GMPS: variants seen among roughly 807,000 people sequenced by gnomAD.
The protein encoded by GMPS is guanosine monophosphate synthase.
Under a neutral mutation model 77.9 loss-of-function variants are expected in GMPS, and 15 were observed. That is an observed-to-expected ratio of 0.19 (90% CI 0.13 to 0.30). The LOEUF is 0.30. Ranked by LOEUF, GMPS falls within the 10% of genes least tolerant of loss-of-function variation. The pLI is 1.00. For synonymous variants in GMPS, 224 were observed against 275.9 expected, an observed-to-expected ratio of 0.81 and a Z score of 1.86; for missense variants, 590 against 838.8, an observed-to-expected ratio of 0.70 and a Z score of 3.66.
At chr3:155,895,866 G>C (rs1289656547) in intron 2 of GMPS, among the ~76,000 whole-genome samples, 1 of 152,068 alleles carries the variant, frequency 6.6e-6, no homozygotes, top group East Asian at 1.9e-4. Flanking sequence ...TTATATCCTA[G>C]AGTTCTTTAG....
chr3:155,935,057 C>G lies in GMPS; in HGVS notation c.1807+11C>G. ...TTCTCAGGGAGTCTGGTAAGTTGCT[C>G]ATGTTTTTGATTACTACCCTCTGAA... On this transcript the variant is annotated intron_variant, in intron 14 of 15. Transcript: ENST00000496455. 4 of 1,601,858 alleles carry G rather than the reference C, an allele frequency of 2.5e-6. No homozygotes were observed. The highest frequency in any genetic ancestry group is 3.4e-6 in the Non-Finnish European group (4 of 1,168,972).
chr3:155,913,668 G>A (rs998389801), intron 7 of GMPS, among the ~76,000 whole-genome samples: 1 of 151,802 alleles, frequency 6.6e-6, no homozygotes. Context: ...TTGCAGACAT[G>A]TGCCACTACG....
intron 2 of GMPS, 61 bp from the exon 3 acceptor site, chr3:155,897,866 G>A: frequency 1.2e-6 from 1 of 849,038 alleles, no homozygotes; most frequent in Non-Finnish European, 2.0e-6. Context: ...AAGGGAGAGA[G>A]GGCATAGACC....
chr3:155,884,498 T>TGACC (rs1754284426), intron 1 of GMPS, among the ~76,000 whole-genome samples: 2 of 152,206 alleles, frequency 1.3e-5, no homozygotes, highest in African/African-American at 4.8e-5. Flanking sequence ...CATACGTATA[T>TGACC]TGTGTCAACA....
At chr3:155,896,641 G>A (rs900709598) in intron 2 of GMPS, among the ~76,000 whole-genome samples, 13 of 150,062 alleles carry the variant, frequency 8.7e-5, no homozygotes, top group African/African-American at 3.2e-4. Context: ...GGCTGGTCTC[G>A]AGCTCCTGGG....
intron 13 of GMPS, among the ~76,000 whole-genome samples, 180 bp downstream of exon 13, chr3:155,932,060 T>A (rs1036514308): frequency 3.2e-4 from 49 of 152,200 alleles, no homozygotes; most frequent in African/African-American, 1.2e-3. Context: ...AGTAGATATT[T>A]AATATTATCT....
At position 155,941,821 on chromosome 3, in the gene GMPS, G is replaced by A; in HGVS notation, c.*4129G>A. On this transcript the variant is annotated 3_prime_UTR_variant, in exon 16 of 16. Transcript: ENST00000496455. ...AAGGACTTTGACAGCAGTAATGGTG[G>A]CATTGTTGACTCTTAAATTTCTGAA... The A allele has an allele frequency of 4.6e-6, 1 of 215,572 alleles. No homozygotes were observed. 13.4% of individuals were successfully genotyped at this position (215,572 alleles called of 1,614,324 possible).
At position 155,914,428 on chromosome 3, in the gene GMPS, C is replaced by G. The variant is rs775924074; in HGVS notation, c.896C>G (p.Ala299Gly). The change falls in exon 8 of 16, where the codon GCT (alanine) becomes GGT (glycine). Residue 299 changes from alanine (A) to glycine (G), a missense_variant. Ala to Gly is a moderately conservative substitution (Grantham distance 60). This residue lies in a region of GMPS where 181 missense variants were observed against 186.8 expected (regional missense o/e 0.97). Transcript: ENST00000496455. ...KLGIQVKVIN[A>G]AHSFYNGTTT... is the part of the protein sequence containing the mutation. ...CTCCCCTTTCCTCCAGTGATAAATG[C>G]TGCTCATTCTTTCTACAATGGAACA... 2.6e-6 allele frequency: 4 copies of G among 1,562,130 alleles called. No individual in the cohort carries two copies. In the African/African-American group the frequency reaches 5.6e-5, roughly 22 times the overall value.
At chr3:155,874,668 C>T (rs12486102) in intron 1 of GMPS, among the ~76,000 whole-genome samples, 8,287 of 151,992 alleles carry the variant, frequency 0.055, 317 homozygotes, top group East Asian at 0.18. Context: ...CCAGGAATCT[C>T]GGATGACATT....
At chr3:155,883,739 C>T (rs982818608) in intron 1 of GMPS, among the ~76,000 whole-genome samples, 1 of 152,114 alleles carries the variant, frequency 6.6e-6, no homozygotes, top group African/African-American at 2.4e-5. Flanking sequence ...AGATCTCAGT[C>T]TCCTCAGGAA....
At chr3:155,929,677 A>G (rs1457350644) in intron 12 of GMPS, among the ~76,000 whole-genome samples, 1 of 131,084 alleles carries the variant, frequency 7.6e-6, no homozygotes, top group Non-Finnish European at 1.6e-5. Flanking sequence ...CTCAGGATAC[A>G]AAATCAATGT....
chr3:155,900,722 T>C (rs1754715288), intron 3 of GMPS, among the ~76,000 whole-genome samples: 1 of 152,170 alleles, frequency 6.6e-6, no homozygotes, highest in African/African-American at 2.4e-5. Context: ...CATAACAATT[T>C]TTGCCTTTAT....
rs1168254258 is a variant in GMPS at position 155,943,471 on chromosome 3, A to G, written c.*5779A>G. The G allele has an allele frequency of 1.1e-5, 2 of 179,142 alleles. No homozygotes were observed. Among genetic ancestry groups the G allele is most frequent in the Non-Finnish European group, 2.4e-5 (2 of 83,582 alleles). 11.1% of individuals were successfully genotyped at this position (179,142 alleles called of 1,614,324 possible). ...AAGGTAAGTAGTTTTTCGTCTTTGC[A>G]TCTCCTAAGACCATTGTTAACAACC... On this transcript the variant is annotated 3_prime_UTR_variant, in exon 16 of 16. Transcript: ENST00000496455.
At chr3:155,884,156 C>T (rs146225733) in intron 1 of GMPS, among the ~76,000 whole-genome samples, 8,288 of 151,332 alleles carry the variant, frequency 0.055, 320 homozygotes, top group East Asian at 0.18. Context: ...GAGGCTGAGG[C>T]GGGTGGATCA....
chr3:155,897,814 A>G (rs1754637651), intron 2 of GMPS, 113 bp from the exon 3 acceptor site: 3 of 653,944 alleles, frequency 4.6e-6, no homozygotes, highest in African/African-American at 1.8e-5. Flanking sequence ...TCTACCAAAA[A>G]CAACGCAATT....
intron 3 of GMPS, among the ~76,000 whole-genome samples, chr3:155,900,960 C>T (rs1218648534): frequency 6.6e-6 from 1 of 152,170 alleles, no homozygotes; most frequent in Non-Finnish European, 1.5e-5. Context: ...TATATACCAT[C>T]TTTTCCCACT....
intron 13 of GMPS, among the ~76,000 whole-genome samples, chr3:155,934,296 C>T (rs1425326979): frequency 6.6e-6 from 1 of 152,212 alleles, no homozygotes; most frequent in Non-Finnish European, 1.5e-5. Context: ...CATTTATTCT[C>T]TCACAGTTTA....
intron 1 of GMPS, among the ~76,000 whole-genome samples, chr3:155,886,568 C>CAA (rs371278045): frequency 4.8e-4 from 21 of 44,156 alleles, no homozygotes; most frequent in East Asian, 3.1e-3. Context: ...GAGTCCATCT[C>CAA]AAAAAAAAAA....
At chr3:155,926,084 G>T (rs553019082) in intron 12 of GMPS, among the ~76,000 whole-genome samples, 1 of 152,122 alleles carries the variant, frequency 6.6e-6, no homozygotes, top group Non-Finnish European at 1.5e-5. Context: ...TGATCATGGC[G>T]TACTGTAGCC....
Sources: gnomAD v4.1 joint callset for allele counts (sites outside exome capture counted in the v4.1 genomes callset) on GRCh38, gnomAD v4.1.1 for gene constraint, gnomAD v4.1.1 regional missense constraint, MANE v1.5 for transcripts, NCBI Gene and HGNC (gene_info 2026-07-23, HGNC 2026-07-21) for gene names.